Variants in ANAPC10 observed in about 807,000 individuals in gnomAD.
The protein encoded by ANAPC10 is anaphase promoting complex subunit 10.
Under a neutral mutation model 22.0 loss-of-function variants are expected in ANAPC10, and 12 were observed. The ratio of observed to expected loss-of-function variants is 0.55; its 90% CI spans 0.35 to 0.88. The LOEUF is 0.88. ANAPC10 is among the 40% of genes least tolerant of loss of function. ANAPC10 has a pLI of 0.01. For missense variants in ANAPC10, 188 were observed against 220.9 expected (o/e 0.85, Z 0.94); for synonymous variants, 65 against 69.5 (o/e 0.94, Z 0.32).
intron 2 of ANAPC10, among the ~76,000 whole-genome samples, chr4:145,092,709 A>G (rs532776124): frequency 1.3e-5 from 2 of 152,270 alleles, no homozygotes; most frequent in African/African-American, 4.8e-5. Context: ...CTACAGATAC[A>G]GAGGAGGGGA....
intron 4 of ANAPC10, among the ~76,000 whole-genome samples, chr4:144,998,713 G>T (rs909526906): frequency 6.6e-6 from 1 of 152,044 alleles, no homozygotes; most frequent in African/African-American, 2.4e-5. Flanking sequence ...AAGAACTAGA[G>T]AAGCAAGAGC....
chr4:144,995,975 T>C, intron 4 of ANAPC10, among the ~76,000 whole-genome samples: 1 of 152,200 alleles, frequency 6.6e-6, no homozygotes, highest in African/African-American at 2.4e-5. Context: ...ATGTGCCTCC[T>C]CCATGAAAAG....
chr4:145,054,649 G>A lies in ANAPC10; in HGVS notation c.327+9923C>T, dbSNP rs1355835475. 1.6e-4 allele frequency among the ~76,000 whole-genome samples: 23 copies of A among 146,838 alleles called. No individual in the cohort carries two copies. The East Asian group carries it at 1.8e-3, about 11-fold the overall frequency. ...TGTGTGTGTGTGTGTGTGCGCGCGCGCGCGCGTGCGTGCAGCGCATGTGTG... is the reference window on the plus strand; with the variant it reads ...TGTGTGTGTGTGTGTGTGCGCGCGCACGCGCGTGCGTGCAGCGCATGTGTG... On this transcript the variant is annotated intron_variant, in intron 4 of 4. Transcript: ENST00000507656.
chr4:145,039,803 C>T (rs1739226968), intron 4 of ANAPC10, among the ~76,000 whole-genome samples: 1 of 151,996 alleles, frequency 6.6e-6, no homozygotes, highest in Non-Finnish European at 1.5e-5. Context: ...ACCATGTTGG[C>T]CAGGATGGTC....
chr4:145,000,009 G>A (rs1397023826), intron 4 of ANAPC10, among the ~76,000 whole-genome samples: 1 of 152,172 alleles, frequency 6.6e-6, no homozygotes, highest in Non-Finnish European at 1.5e-5. Flanking sequence ...TATGGAGAAA[G>A]CTGAAACTGG....
intron 4 of ANAPC10, among the ~76,000 whole-genome samples, chr4:145,001,387 T>A (rs1381351413): frequency 6.6e-6 from 1 of 152,138 alleles, no homozygotes. Context: ...CTGCATGATT[T>A]TGCTTAGATG....
chr4:144,998,654 A>C (rs1048758968), intron 4 of ANAPC10, among the ~76,000 whole-genome samples: 1 of 152,232 alleles, frequency 6.6e-6, no homozygotes, highest in Non-Finnish European at 1.5e-5. Flanking sequence ...AAATGCCCAC[A>C]AGAGAAAGCA....
At chr4:145,066,752 C>A (rs962839883) in intron 3 of ANAPC10, among the ~76,000 whole-genome samples, 1 of 135,324 alleles carries the variant, frequency 7.4e-6, no homozygotes, top group African/African-American at 2.8e-5. Flanking sequence ...CAAATAGGAA[C>A]TTTTATTTCT....
At chr4:145,054,653 G>A (rs183203906) in intron 4 of ANAPC10, among the ~76,000 whole-genome samples, 6,323 of 148,220 alleles carry the variant, frequency 0.043, 199 homozygotes, top group Non-Finnish European at 0.063. Flanking sequence ...GCGCGCGCGC[G>A]CGTGCGTGCA....
chr4:145,076,013 T>C (rs181732948), intron 3 of ANAPC10, among the ~76,000 whole-genome samples: 3 of 152,284 alleles, frequency 2.0e-5, no homozygotes, highest in Admixed American at 2.0e-4. Context: ...GGGTCCCTGC[T>C]TGGCCATGTC....
intron 4 of ANAPC10, among the ~76,000 whole-genome samples, chr4:145,010,172 C>A (rs1344767010): frequency 3.3e-5 from 5 of 151,966 alleles, no homozygotes; most frequent in Non-Finnish European, 4.4e-5. Flanking sequence ...GTCAGGAAAC[C>A]CCAGGTGCTG....
Position 145,064,674 on chromosome 4 carries a change from C to T in ANAPC10, c.225G>A (p.Lys75=). The change falls in exon 4 of 5, where the codon AAG becomes AAA. Residue 75 remains lysine, a synonymous_variant. Coordinates refer to ENST00000507656, the MANE Select transcript of ANAPC10 (RefSeq NM_001256706.2). ...TGTAGTCTGCATAAATACATAATGTCTTCACTGTTGTTTTTCTTCTAAAAG... is the reference window on the plus strand; with the variant it reads ...TGTAGTCTGCATAAATACATAATGTTTTCACTGTTGTTTTTCTTCTAAAAG... ...NIQFRRKTTV[K]TLCIYADYKS... 6.5e-7 allele frequency: 1 copy of T among 1,543,202 alleles called. No homozygotes were observed. Among genetic ancestry groups the T allele is most frequent in the East Asian group, 2.3e-5 (1 of 42,640 alleles).
At chr4:145,069,062 T>C (rs1402863315) in intron 3 of ANAPC10, among the ~76,000 whole-genome samples, 1 of 152,110 alleles carries the variant, frequency 6.6e-6, no homozygotes, top group Non-Finnish European at 1.5e-5. Context: ...TAAAATAAAA[T>C]AAAACAAGAA....
At chr4:145,021,346 G>A (rs1735933822) in intron 4 of ANAPC10, among the ~76,000 whole-genome samples, 1 of 152,098 alleles carries the variant, frequency 6.6e-6, no homozygotes, top group Non-Finnish European at 1.5e-5. Context: ...CAATGTAATA[G>A]AGTAGAGAAC....
chr4:145,009,796 G>C (rs999214963), intron 4 of ANAPC10, among the ~76,000 whole-genome samples: 16 of 152,198 alleles, frequency 1.1e-4, no homozygotes, highest in South Asian at 4.1e-4. Flanking sequence ...CAAAAGCAAT[G>C]GCAACAAAAG....
At chr4:145,048,857 C>T (rs957611311) in intron 4 of ANAPC10, among the ~76,000 whole-genome samples, 2 of 152,100 alleles carry the variant, frequency 1.3e-5, no homozygotes, top group Non-Finnish European at 2.9e-5. Flanking sequence ...TGTAATACCT[C>T]TTTGCTCTAA....
intron 4 of ANAPC10, among the ~76,000 whole-genome samples, chr4:145,049,715 G>A (rs189675270): frequency 3.8e-4 from 58 of 152,208 alleles, no homozygotes; most frequent in African/African-American, 1.4e-3. Flanking sequence ...AAGTAGATGG[G>A]ACTACAGATG....
At chr4:145,064,850 A>T (rs1743440621) in intron 3 of ANAPC10, among the ~76,000 whole-genome samples, 158 bp from the exon 4 acceptor site, 1 of 152,086 alleles carries the variant, frequency 6.6e-6, no homozygotes, top group Admixed American at 6.6e-5. Context: ...AAATGTAAAA[A>T]TATAGGTCCA....
chr4:145,074,599 C>CA (rs34044023), intron 3 of ANAPC10, among the ~76,000 whole-genome samples: 1 of 151,940 alleles, frequency 6.6e-6, no homozygotes, highest in African/African-American at 2.4e-5. Context: ...AGCTATTTCA[C>CA]AAAAAAAGCA....
Sources: gnomAD v4.1 joint callset for allele counts (sites outside exome capture counted in the v4.1 genomes callset) on GRCh38, gnomAD v4.1.1 for gene constraint, MANE v1.5 for transcripts, NCBI Gene and HGNC (gene_info 2026-07-23, HGNC 2026-07-21) for gene names.